Variants in AFG2A observed in about 807,000 individuals in gnomAD.
The protein encoded by AFG2A is ATPase family gene 2 protein homolog A.
the AFG2A span, among the ~76,000 whole-genome samples, chr4:122,948,897 G>A: frequency 3.3e-5 from 5 of 152,168 alleles, no homozygotes; most frequent in African/African-American, 1.2e-4. Flanking sequence ...GATCCCTGGG[G>A]CCAGGTATGT....
chr4:123,100,631 C>T, the AFG2A span, among the ~76,000 whole-genome samples: 1 of 151,868 alleles, frequency 6.6e-6, no homozygotes, highest in African/African-American at 2.4e-5. Flanking sequence ...TACCTTGCTT[C>T]TCCTAATGCA....
chr4:123,069,418 C>T, the AFG2A span, among the ~76,000 whole-genome samples: 2 of 152,046 alleles, frequency 1.3e-5, no homozygotes, highest in East Asian at 3.8e-4. Flanking sequence ...CCTGTATTAT[C>T]AAGGACAAAT....
the AFG2A span, chr4:122,934,795 T>C: frequency 1.3e-6 from 2 of 1,509,178 alleles, no homozygotes; most frequent in African/African-American, 2.8e-5. Flanking sequence ...TAAAAGACAG[T>C]TGACACTTAT....
At chr4:122,936,632 C>T in the AFG2A span, among the ~76,000 whole-genome samples, 1 of 151,996 alleles carries the variant, frequency 6.6e-6, no homozygotes, top group African/African-American at 2.4e-5. Flanking sequence ...ATTGCTTGAC[C>T]CCAGGAGTTT....
chr4:122,963,403 C>T, the AFG2A span, among the ~76,000 whole-genome samples: 2 of 152,272 alleles, frequency 1.3e-5, no homozygotes, highest in East Asian at 3.9e-4. Flanking sequence ...ATGAGGTAAG[C>T]ACTCAGTGAG....
chr4:123,283,996 T>A, the AFG2A span, among the ~76,000 whole-genome samples: 1 of 152,142 alleles, frequency 6.6e-6, no homozygotes, highest in Non-Finnish European at 1.5e-5. Context: ...CTTCTCTTCC[T>A]CTTCACACAC....
chr4:123,120,995 G>A, the AFG2A span, among the ~76,000 whole-genome samples: 4 of 152,090 alleles, frequency 2.6e-5, no homozygotes, highest in Admixed American at 1.3e-4. Flanking sequence ...GCATATTATT[G>A]CCCTTGAATA....
the AFG2A span, among the ~76,000 whole-genome samples, chr4:123,121,424 G>A: frequency 6.6e-6 from 1 of 152,100 alleles, no homozygotes; most frequent in African/African-American, 2.4e-5. Flanking sequence ...CTCACCCAGA[G>A]CAAAGAGTTT....
the AFG2A span, among the ~76,000 whole-genome samples, chr4:122,957,208 A>G: frequency 6.6e-6 from 1 of 152,158 alleles, no homozygotes; most frequent in Non-Finnish European, 1.5e-5. Context: ...CTCATCGGCT[A>G]TTTTCAGTGG....
chr4:123,190,689 A>G, the AFG2A span, among the ~76,000 whole-genome samples: 1 of 152,200 alleles, frequency 6.6e-6, no homozygotes, highest in Admixed American at 6.5e-5. Flanking sequence ...AGGTGCTACT[A>G]TGGGGTAGGT....
At chr4:123,056,586 T>G in the AFG2A span, 1 of 498,640 alleles carries the variant, frequency 2.0e-6, no homozygotes, top group Non-Finnish European at 3.3e-6. Context: ...TAAATATTAT[T>G]TTATTATTTA....
the AFG2A span, among the ~76,000 whole-genome samples, chr4:123,194,455 A>G: frequency 5.9e-5 from 9 of 152,310 alleles, no homozygotes; most frequent in East Asian, 1.5e-3. Flanking sequence ...TAGAGAAAAA[A>G]ACTCACTGAA....
At chr4:123,260,871 C>T in the AFG2A span, among the ~76,000 whole-genome samples, 605 of 152,310 alleles carry the variant, frequency 4.0e-3, 4 homozygotes, top group African/African-American at 0.014. Context: ...GGGTCCCCAA[C>T]CTCCTGGCCA....
the AFG2A span, among the ~76,000 whole-genome samples, chr4:123,099,998 T>C: frequency 6.6e-6 from 1 of 151,880 alleles, no homozygotes; most frequent in Non-Finnish European, 1.5e-5. Context: ...GAAGTATGTT[T>C]AATATTAGAG....
chr4:123,241,895 C>A, the AFG2A span, among the ~76,000 whole-genome samples: 2 of 152,112 alleles, frequency 1.3e-5, no homozygotes, highest in African/African-American at 4.8e-5. Context: ...TCGTCTCAGC[C>A]CAAAATCTCC....
At chr4:123,084,594 G>A in the AFG2A span, among the ~76,000 whole-genome samples, 2 of 144,478 alleles carry the variant, frequency 1.4e-5, no homozygotes, top group African/African-American at 5.2e-5. Flanking sequence ...ATATATATGT[G>A]TGTGTGTGTG....
At chr4:123,089,915 A>AT in the AFG2A span, among the ~76,000 whole-genome samples, 1 of 151,992 alleles carries the variant, frequency 6.6e-6, no homozygotes, top group Admixed American at 6.6e-5. Context: ...ATATTTAGTA[A>AT]TTTTTTTGTG....
the AFG2A span, among the ~76,000 whole-genome samples, chr4:123,224,181 T>C: frequency 6.6e-6 from 1 of 152,164 alleles, no homozygotes; most frequent in South Asian, 2.1e-4. Flanking sequence ...ATTTGTTTTG[T>C]TGAGTCATCT....
At chr4:122,978,101 C>T in the AFG2A span, among the ~76,000 whole-genome samples, 4 of 151,798 alleles carry the variant, frequency 2.6e-5, no homozygotes. Context: ...TAGCTCCTAT[C>T]TGGCATCCCA....
Sources: gnomAD v4.1 joint callset for allele counts (sites outside exome capture counted in the v4.1 genomes callset) on GRCh38, gnomAD v4.1.1 for gene constraint, MANE v1.5 for transcripts, NCBI Gene and HGNC (gene_info 2026-07-23, HGNC 2026-07-21) for gene names.